Variants in WHRN observed in about 807,000 individuals in gnomAD.
The protein encoded by WHRN is CASK-interacting protein CIP98.
In WHRN, 41 loss-of-function variants were observed where a neutral mutation model predicts 68.3. The observed-to-expected ratio is 0.60, with a 90% CI of 0.47 to 0.78. The LOEUF is 0.78. Ranked by LOEUF, WHRN falls within the 30% of genes least tolerant of loss-of-function variation. The probability of loss-of-function intolerance (pLI) is 0.00; values close to 1 mark genes in which losing one functional copy is unlikely to be tolerated. For synonymous variants in WHRN, 560 were observed against 561.3 expected (o/e 1.00, Z 0.03); for missense variants, 1,243 against 1,244.7 (o/e 1.00, Z 0.02).
At chr9:114,471,786 A>G (rs958983359) in intron 2 of WHRN, among the ~76,000 whole-genome samples, 2 of 152,222 alleles carry the variant, frequency 1.3e-5, no homozygotes, top group African/African-American at 4.8e-5. Context: ...ATGGTGGGGG[A>G]TGTCTGCTAG....
chr9:114,469,886 C>T (rs1017733885), intron 2 of WHRN, among the ~76,000 whole-genome samples: 3 of 152,236 alleles, frequency 2.0e-5, no homozygotes, highest in Admixed American at 1.3e-4. Context: ...CTAGGGGCCA[C>T]CTGCATTCCT....
chr9:114,445,508 AC>A (rs1838741196), intron 3 of WHRN, among the ~76,000 whole-genome samples: 1 of 152,198 alleles, frequency 6.6e-6, no homozygotes, highest in Admixed American at 6.5e-5. Flanking sequence ...CAAATTGTAT[AC>A]AAAGACCAGA....
chr9:114,432,721 T>G (rs141110284), intron 3 of WHRN, among the ~76,000 whole-genome samples: 2 of 152,378 alleles, frequency 1.3e-5, no homozygotes, highest in East Asian at 3.8e-4. Context: ...TGGCACATAG[T>G]AGGTGCTCAA....
In WHRN at chr9:114,504,715, G is replaced by A; in HGVS notation, c.87C>T (p.Gly29=). 6.6e-7 allele frequency: 1 copy of A among 1,514,002 alleles called. No individual in the cohort carries two copies. The highest frequency in any genetic ancestry group is 8.8e-7 in the Non-Finnish European group (1 of 1,140,544). 93.8% of individuals were successfully genotyped at this position (1,514,002 alleles called of 1,614,324 possible). Residue 29 remains glycine, a synonymous_variant, in exon 1 of 12, where the codon GGC becomes GGT. Coordinates refer to ENST00000362057, the MANE Select transcript of WHRN (RefSeq NM_015404.4). ...TGGCAGACAGTAACCGCAGCCCCGC[G>A]CCCCCGCCGCCGCCCGCCCCGGCCG... ...GSAAGAGGGG[G]AGLRLLSANV...
intron 3 of WHRN, among the ~76,000 whole-genome samples, chr9:114,440,649 A>G (rs1459159661): frequency 6.6e-6 from 1 of 152,268 alleles, no homozygotes; most frequent in Non-Finnish European, 1.5e-5. Context: ...GCAGTATTAA[A>G]TCATAACTGC....
rs1402390155 is a variant in WHRN at position 114,461,322 on chromosome 9, T to C, written c.963+4945A>G. Among the ~76,000 whole-genome samples, 5 of 152,342 alleles carry C rather than the reference T, an allele frequency of 3.3e-5. No individual in the cohort carries two copies. The East Asian group carries it at 9.6e-4, about 29-fold the overall frequency. Reference sequence around the variant, plus strand: ...CCTGAGATAACCAGTGTTGACACTGTGGTGTGTGTCCGGCATAGATGTTTC... The same window carrying C: ...CCTGAGATAACCAGTGTTGACACTGCGGTGTGTGTCCGGCATAGATGTTTC... On this transcript the variant is annotated intron_variant, in intron 3 of 11. Coordinates refer to ENST00000362057, the MANE Select transcript of WHRN (RefSeq NM_015404.4).
rs1834775709 is a variant in WHRN, at chr9:114,402,917, T to C, written c.2561A>G (p.Asn854Ser). The C allele has an allele frequency of 6.2e-7, 1 of 1,612,492 alleles. No individual in the cohort carries two copies. Among genetic ancestry groups the C allele is most frequent in the African/African-American group, 1.3e-5 (1 of 75,016 alleles). The change falls in exon 12 of 12, where the codon AAC (asparagine) becomes AGC (serine). Residue 854 changes from asparagine to serine, a missense_variant. By Grantham distance (46) the Asn-to-Ser change is conservative. Transcript: ENST00000362057. ...GTGGCCCACCTTGAGCTGCCCACAG[T>C]TGTGAGCTGAGCCGCCTCTCTGCAG... ...VTIQRGGSAH[N>S]CGQLKVGHVI...
chr9:114,425,370 G>A, intron 4 of WHRN: 1 of 587,894 alleles, frequency 1.7e-6, no homozygotes, highest in Non-Finnish European at 3.0e-6. Context: ...CAACCCTCAG[G>A]AGCTTAGGGG....
At chr9:114,484,516 T>C (rs6478084) in intron 1 of WHRN, among the ~76,000 whole-genome samples, 143,379 of 152,256 alleles carry the variant, frequency 0.94, 68,123 homozygotes, top group East Asian at 1. Flanking sequence ...AGGAATTCAA[T>C]GAGCTACGGC....
At chr9:114,416,638 T>G (rs867883674) in intron 7 of WHRN, among the ~76,000 whole-genome samples, 20 of 152,200 alleles carry the variant, frequency 1.3e-4, no homozygotes, top group African/African-American at 4.3e-4. Context: ...ATGCTTCCTG[T>G]ACGGCCTACA....
At chr9:114,409,895 T>C (rs764085112) in intron 7 of WHRN, among the ~76,000 whole-genome samples, 12 of 151,974 alleles carry the variant, frequency 7.9e-5, no homozygotes, top group Non-Finnish European at 1.3e-4. Flanking sequence ...TAGGGAGTCA[T>C]GCCAGAAACA....
chr9:114,411,742 T>C (rs1275922962), intron 7 of WHRN, among the ~76,000 whole-genome samples: 1 of 152,174 alleles, frequency 6.6e-6, no homozygotes, highest in Non-Finnish European at 1.5e-5. Context: ...AGGCAGGCAC[T>C]AGGACTGTCC....
At position 114,504,471 on chromosome 9, in the gene WHRN, C is replaced by T. The variant is rs1357879950; in HGVS notation, c.331G>A (p.Ala111Thr). 5.0e-6 allele frequency: 8 copies of T among 1,608,156 alleles called. No individual in the cohort carries two copies. The highest frequency in any genetic ancestry group is 5.9e-6 in the Non-Finnish European group (7 of 1,179,762). The change falls in exon 1 of 12, where the codon GCC (alanine) becomes ACC (threonine). Residue 111 changes from alanine (A) to threonine (T), a missense_variant. Transcript: ENST00000362057. ...SDQLLFDQYT[A>T]EGLYLPATTP... is the part of the protein sequence containing the mutation. ...GTGGCGGGCAGGTAGAGGCCCTCGG[C>T]CGTGTATTGGTCGAAGAGCAGCTGG...
At chr9:114,499,723 C>T (rs369350669) in intron 1 of WHRN, among the ~76,000 whole-genome samples, 10 of 152,350 alleles carry the variant, frequency 6.6e-5, no homozygotes, top group Non-Finnish European at 1.2e-4. Flanking sequence ...GGCTGTGTAC[C>T]GCTGGTGCGG....
At chr9:114,407,107 C>A (rs1835094562) in intron 8 of WHRN, among the ~76,000 whole-genome samples, 1 of 152,238 alleles carries the variant, frequency 6.6e-6, no homozygotes, top group South Asian at 2.1e-4. Context: ...GCGGGTGTCT[C>A]TGGGGACAGC....
At chr9:114,430,998 G>A (rs1837373318) in intron 3 of WHRN, among the ~76,000 whole-genome samples, 1 of 152,116 alleles carries the variant, frequency 6.6e-6, no homozygotes, top group Non-Finnish European at 1.5e-5. Context: ...GCTTCCCCAG[G>A]TCTAGGAGCC....
intron 7 of WHRN, among the ~76,000 whole-genome samples, chr9:114,415,015 G>A (rs990508409): frequency 6.6e-6 from 1 of 152,136 alleles, no homozygotes; most frequent in African/African-American, 2.4e-5. Context: ...GTAAACAGAG[G>A]GCTGGGTGCT....
chr9:114,502,937 G>A (rs181590266), intron 1 of WHRN, among the ~76,000 whole-genome samples: 1 of 152,326 alleles, frequency 6.6e-6, no homozygotes, highest in African/African-American at 2.4e-5. Flanking sequence ...CTCACAACGA[G>A]CTTTGCCCAC....
intron 7 of WHRN, among the ~76,000 whole-genome samples, chr9:114,411,782 G>C (rs1198986712): frequency 3.9e-5 from 6 of 152,222 alleles, no homozygotes; most frequent in African/African-American, 7.2e-5. Flanking sequence ...CTGAAGTTCA[G>C]AGAGGGAAGA....
Sources: gnomAD v4.1 joint callset for allele counts (sites outside exome capture counted in the v4.1 genomes callset) on GRCh38, gnomAD v4.1.1 for gene constraint, MANE v1.5 for transcripts, NCBI Gene and HGNC (gene_info 2026-07-23, HGNC 2026-07-21) for gene names.